The following TMEM108 variants were observed in gnomAD, a reference collection of about 807,000 sequenced individuals.
TMEM108 encodes the protein cancer/testis antigen 124.
In TMEM108, 12 loss-of-function variants were observed where a neutral mutation model predicts 35.1. That is an observed-to-expected ratio of 0.34 (90% confidence interval 0.22 to 0.55). The LOEUF is 0.55. Among genes scored for constraint, TMEM108 ranks in the 20% least tolerant of loss-of-function variants. TMEM108 has a pLI of 0.89. For synonymous variants in TMEM108, 287 were observed against 308.6 expected (o/e 0.93, Z 0.73); for missense variants, 680 against 753.3 (o/e 0.90, Z 1.14).
intron 2 of TMEM108, among the ~76,000 whole-genome samples, chr3:133,197,629 T>C (rs974801649): frequency 6.6e-6 from 1 of 152,180 alleles, no homozygotes; most frequent in African/African-American, 2.4e-5. Flanking sequence ...GGCATCTGCA[T>C]TGTTGGAGAA....
At chr3:133,335,025 T>C (rs1408462541) in intron 3 of TMEM108, among the ~76,000 whole-genome samples, 4 of 152,172 alleles carry the variant, frequency 2.6e-5, no homozygotes, top group African/African-American at 9.7e-5. Context: ...GTTTCATATT[T>C]GTAATTAGAG....
At chr3:133,066,943 TTC>T (rs1158842378) in intron 2 of TMEM108, among the ~76,000 whole-genome samples, 2 of 152,226 alleles carry the variant, frequency 1.3e-5, no homozygotes, top group Non-Finnish European at 2.9e-5. Context: ...TGATCTTTGC[TTC>T]TTGTGCTCAG....
intron 3 of TMEM108, among the ~76,000 whole-genome samples, chr3:133,237,272 G>T (rs928980513): frequency 2.0e-5 from 3 of 152,064 alleles, no homozygotes; most frequent in Non-Finnish European, 4.4e-5. Flanking sequence ...AGCCATCCTT[G>T]ACTTTCCTCC....
At position 133,203,499 on chromosome 3, in the gene TMEM108, G is replaced by A. The variant is rs1428258935; in HGVS notation, c.-46-25767G>A. Among the ~76,000 whole-genome samples the A allele has an allele frequency of 4.6e-5, 7 of 151,986 alleles. No homozygotes were observed. In the South Asian group the frequency reaches 8.3e-4, roughly 18 times the overall value. ...TCCTAGTTTATTGAGAGTTTTTAGC[G>A]TGAATGCGTGTTGAATTTTTGTCAC... On this transcript the variant is annotated intron_variant, in intron 2 of 5. Transcript: ENST00000321871.
At chr3:133,213,191 C>G (rs187133104) in intron 2 of TMEM108, among the ~76,000 whole-genome samples, 7 of 152,216 alleles carry the variant, frequency 4.6e-5, no homozygotes, top group African/African-American at 1.7e-4. Flanking sequence ...TGCAAATAAC[C>G]AAAAGCAGCA....
intron 3 of TMEM108, among the ~76,000 whole-genome samples, chr3:133,308,088 T>C (rs1440918346): frequency 6.6e-6 from 1 of 152,156 alleles, no homozygotes; most frequent in East Asian, 1.9e-4. Context: ...CCCTTGTAAG[T>C]TGGATTCCTA....
intron 3 of TMEM108, among the ~76,000 whole-genome samples, chr3:133,263,342 G>T (rs182749839): frequency 1.4e-4 from 21 of 152,288 alleles, no homozygotes; most frequent in African/African-American, 4.3e-4. Flanking sequence ...GCCTTTAAAA[G>T]CTCCATCAAT....
intron 3 of TMEM108, among the ~76,000 whole-genome samples, chr3:133,333,710 A>T (rs1468777316): frequency 1.3e-5 from 2 of 152,214 alleles, no homozygotes; most frequent in East Asian, 3.8e-4. Context: ...AAAGTTTTAA[A>T]CATAAAAGAT....
At chr3:133,198,704 A>G (rs1416051468) in intron 2 of TMEM108, among the ~76,000 whole-genome samples, 1 of 152,176 alleles carries the variant, frequency 6.6e-6, no homozygotes, top group African/African-American at 2.4e-5. Context: ...ACACTCATTT[A>G]ATTATCTCAT....
At chr3:133,141,987 G>T (rs1286365625) in intron 2 of TMEM108, among the ~76,000 whole-genome samples, 1 of 152,120 alleles carries the variant, frequency 6.6e-6, no homozygotes, top group African/African-American at 2.4e-5. Flanking sequence ...GGGAGAAGAG[G>T]GGCAGGCTGT....
At chr3:133,094,239 C>G (rs1466924392) in intron 2 of TMEM108, among the ~76,000 whole-genome samples, 5 of 127,752 alleles carry the variant, frequency 3.9e-5, no homozygotes, top group Admixed American at 3.2e-4. Flanking sequence ...CCCCACCCCC[C>G]CCACACACAC....
chr3:133,181,008 TAAAAAAAA>T (rs369228472), intron 2 of TMEM108, among the ~76,000 whole-genome samples: 19,556 of 76,080 alleles, frequency 0.26, 2,857 homozygotes, highest in Admixed American at 0.49. Context: ...GCAGTTGTGT[TAAAAAAAA>T]AAAAAAAAAA....
intron 2 of TMEM108, among the ~76,000 whole-genome samples, chr3:133,160,014 G>A (rs894073979): frequency 3.3e-5 from 5 of 152,212 alleles, no homozygotes; most frequent in Admixed American, 1.3e-4. Flanking sequence ...GAATCAAACA[G>A]CACATGCTAG....
At chr3:133,140,504 G>A (rs544975250) in intron 2 of TMEM108, among the ~76,000 whole-genome samples, 4 of 152,192 alleles carry the variant, frequency 2.6e-5, no homozygotes, top group Non-Finnish European at 4.4e-5. Context: ...AGGACAGATT[G>A]ATTAGAAAGA....
chr3:133,230,628 A>G (rs983994369), intron 3 of TMEM108, among the ~76,000 whole-genome samples: 5 of 152,188 alleles, frequency 3.3e-5, no homozygotes, highest in Non-Finnish European at 5.9e-5. Context: ...ACATACACAC[A>G]TACCCCTCAG....
chr3:133,192,354 T>C (rs1945511470), intron 2 of TMEM108, among the ~76,000 whole-genome samples: 1 of 152,146 alleles, frequency 6.6e-6, no homozygotes, highest in Non-Finnish European at 1.5e-5. Context: ...CCAGCAGGCA[T>C]GTGGGAAGCT....
chr3:133,287,127 G>A (rs897779433), intron 3 of TMEM108, among the ~76,000 whole-genome samples: 1 of 152,098 alleles, frequency 6.6e-6, no homozygotes, highest in Non-Finnish European at 1.5e-5. Flanking sequence ...TTGAGGCTGT[G>A]GCTGGCTGGC....
At chr3:133,297,919 T>G (rs1947169029) in intron 3 of TMEM108, among the ~76,000 whole-genome samples, 1 of 152,158 alleles carries the variant, frequency 6.6e-6, no homozygotes, top group Admixed American at 6.5e-5. Context: ...TGACACCTCT[T>G]TCCCATTATT....
intron 2 of TMEM108, among the ~76,000 whole-genome samples, chr3:133,107,237 TC>T (rs1944163440): frequency 1.3e-5 from 2 of 152,208 alleles, no homozygotes; most frequent in Non-Finnish European, 2.9e-5. Context: ...CCCAAATACT[TC>T]CTGCTTCATC....
Sources: allele counts gnomAD v4.1 joint callset (sites outside exome capture counted in the v4.1 genomes callset), GRCh38; gene constraint gnomAD v4.1.1; transcripts MANE v1.5; gene names NCBI Gene and HGNC (gene_info 2026-07-23, HGNC 2026-07-21).